The following IL1RAPL2 variants were observed in gnomAD, a reference collection of about 807,000 sequenced individuals.
The protein encoded by IL1RAPL2 is interleukin 1 receptor accessory protein like 2.
A neutral mutation model predicts 44.1 loss-of-function variants in IL1RAPL2; 3 were observed. The observed-to-expected ratio is 0.07, with a 90% CI of 0.03 to 0.18. IL1RAPL2 has a LOEUF of 0.18. Among genes scored for constraint, IL1RAPL2 ranks in the 10% least tolerant of loss-of-function variants. IL1RAPL2 has a pLI of 1.00. For synonymous variants in IL1RAPL2, 181 were observed against 178.8 expected (o/e 1.01, Z -0.10); for missense variants, 391 against 496.4 (o/e 0.79, Z 2.02).
In IL1RAPL2 at chrX:105,615,189, G is replaced by A. The variant is rs756629663; in HGVS notation, c.773-102178G>A. Among the ~76,000 whole-genome samples, 7 of 111,468 alleles carry A rather than the reference G, an allele frequency of 6.3e-5. No individual in the cohort carries two copies. In the South Asian group the frequency reaches 1.1e-3, roughly 18 times the overall value. Reference sequence around the variant, plus strand: ...AAAAGACAGCCAATAACAAATGCTGGCGAGGACACGGAGGAAAAGGAACTC... The same window carrying A: ...AAAAGACAGCCAATAACAAATGCTGACGAGGACACGGAGGAAAAGGAACTC... On this transcript the variant is annotated intron_variant, in intron 6 of 10. Coordinates refer to ENST00000372582, the MANE Select transcript of IL1RAPL2 (RefSeq NM_017416.2).
intron 2 of IL1RAPL2, among the ~76,000 whole-genome samples, chrX:104,794,334 T>C (rs771522283): frequency 8.0e-5 from 9 of 111,837 alleles, no homozygotes; most frequent in Non-Finnish European, 1.7e-4. Context: ...GAAGTAAACT[T>C]CTTGTGATGA....
At chrX:105,003,270 G>A (rs1356088936) in intron 2 of IL1RAPL2, among the ~76,000 whole-genome samples, 1 of 111,002 alleles carries the variant, frequency 9.0e-6, no homozygotes, top group East Asian at 2.9e-4. Context: ...ATCTGATGTG[G>A]CTTCTAAAAT....
intron 2 of IL1RAPL2, among the ~76,000 whole-genome samples, chrX:104,976,054 T>A (rs373013082): frequency 1.7e-4 from 19 of 111,677 alleles, no homozygotes; most frequent in African/African-American, 2.3e-4. Context: ...CTTTTTTTTT[T>A]ATACAGAATA....
Position 104,822,182 on chromosome X carries a change from C to A in IL1RAPL2, c.82+163187C>A, listed in dbSNP as rs777959926. ...CAGATGGATAGATTGTAAAAATTTT[C>A]TCCCATTCTGTAGGTTGCCTGTTCA... On this transcript the variant is annotated intron_variant, in intron 2 of 10. Coordinates refer to ENST00000372582, the MANE Select transcript of IL1RAPL2 (RefSeq NM_017416.2). Among the ~76,000 whole-genome samples the A allele has an allele frequency of 3.6e-5, 4 of 111,630 alleles. No homozygotes were observed. The South Asian group carries it at 1.5e-3, about 42-fold the overall frequency.
chrX:104,884,320 A>G (rs901731775), intron 2 of IL1RAPL2, among the ~76,000 whole-genome samples: 1 of 111,695 alleles, frequency 9.0e-6, no homozygotes, highest in Non-Finnish European at 1.9e-5. Flanking sequence ...AACTATTCCA[A>G]TCAGCAGGGT....
At chrX:105,601,696 TTGG>T (rs199907960) in intron 6 of IL1RAPL2, among the ~76,000 whole-genome samples, 366 of 110,967 alleles carry the variant, frequency 3.3e-3, no homozygotes, top group Admixed American at 6.2e-3. Context: ...TCTCAGCCCC[TTGG>T]GAGCTAGGCT....
chrX:105,600,569 AT>A lies in IL1RAPL2; in HGVS notation c.772+116187del, dbSNP rs200622147. On this transcript the variant is annotated intron_variant, in intron 6 of 10. Transcript: ENST00000372582. ...TTTAATGAAATAATTATAATTAATC[AT>A]TTTTATAAATAAATTTATAAAAACA... Among the ~76,000 whole-genome samples, 936 of 108,648 alleles carry A rather than the reference AT, an allele frequency of 8.6e-3. 11 individuals carry two copies. In the South Asian group the frequency reaches 0.086, roughly 10 times the overall value. The allele number at this position is 108,648 out of a possible 115,157, so 94.3% of individuals were successfully genotyped here. A position where few individuals can be genotyped will look rare whatever the true frequency, so the allele number is the denominator to read the frequency against.
chrX:104,842,024 T>C (rs1006592363), intron 2 of IL1RAPL2, among the ~76,000 whole-genome samples: 7 of 110,712 alleles, frequency 6.3e-5, no homozygotes, highest in African/African-American at 2.0e-4. Context: ...TTCAGGTACA[T>C]CTGTCAATCG....
At chrX:105,634,021 A>G (rs1469725009) in intron 6 of IL1RAPL2, among the ~76,000 whole-genome samples, 1 of 110,723 alleles carries the variant, frequency 9.0e-6, no homozygotes, top group African/African-American at 3.3e-5. Context: ...CCTTTCCTTC[A>G]TCTTCTAATG....
In IL1RAPL2 at chrX:105,029,908, A is replaced by C. The variant is rs190685678; in HGVS notation, c.83-165567A>C. On this transcript the variant is annotated intron_variant, in intron 2 of 10. Transcript: ENST00000372582. Reference sequence around the variant, plus strand: ...TCCTATTTCTCCACATCCTCTCCAGAACCTGTTGTTTCCTGACTTTTTAAT... The same window carrying C: ...TCCTATTTCTCCACATCCTCTCCAGCACCTGTTGTTTCCTGACTTTTTAAT... Among the ~76,000 whole-genome samples, 202 of 110,988 alleles carry C rather than the reference A, an allele frequency of 1.8e-3. 1 individual carries two copies. The highest frequency in any genetic ancestry group is 4.7e-3 in the Middle Eastern group (1 of 214).
chrX:105,056,708 T>C (rs1195829640), intron 2 of IL1RAPL2, among the ~76,000 whole-genome samples: 1 of 112,055 alleles, frequency 8.9e-6, no homozygotes, highest in African/African-American at 3.2e-5. Context: ...AAAGAGAAAT[T>C]AAACTTCTTT....
chrX:104,788,145 C>T (rs1401869819), intron 2 of IL1RAPL2, among the ~76,000 whole-genome samples: 1 of 112,129 alleles, frequency 8.9e-6, no homozygotes, highest in Non-Finnish European at 1.9e-5. Context: ...CAATTCAGGG[C>T]TATGTAGAAA....
At chrX:105,234,939 A>T (rs1556199974) in intron 4 of IL1RAPL2, among the ~76,000 whole-genome samples, 1 of 111,366 alleles carries the variant, frequency 9.0e-6, no homozygotes, top group African/African-American at 3.3e-5. Flanking sequence ...GGGAAGGAGC[A>T]GTGTCACTGG....
At chrX:105,185,366 A>G (rs1340418491) in intron 2 of IL1RAPL2, among the ~76,000 whole-genome samples, 2 of 112,227 alleles carry the variant, frequency 1.8e-5, no homozygotes. Flanking sequence ...AGAATTTTTA[A>G]TATTATTCAT....
intron 3 of IL1RAPL2, 151 bp downstream of exon 3, chrX:105,195,899 TTATC>T: frequency 1.9e-6 from 1 of 524,025 alleles, no homozygotes; most frequent in Non-Finnish European, 3.2e-6. Flanking sequence ...CCAGTTCTAA[TTATC>T]TATCAGAACT....
intron 5 of IL1RAPL2, among the ~76,000 whole-genome samples, chrX:105,454,590 G>A (rs752666292): frequency 9.0e-6 from 1 of 111,387 alleles, no homozygotes; most frequent in African/African-American, 3.3e-5. Flanking sequence ...TGTTCTCCAG[G>A]GCATGAGAAC....
At chrX:105,473,828 TA>T (rs898236048) in intron 5 of IL1RAPL2, among the ~76,000 whole-genome samples, 1 of 111,960 alleles carries the variant, frequency 8.9e-6, no homozygotes, top group Non-Finnish European at 1.9e-5. Context: ...ATGAGACCAG[TA>T]AAAAAGTTAT....
chrX:105,112,756 G>A (rs1019229487), intron 2 of IL1RAPL2, among the ~76,000 whole-genome samples: 1 of 112,903 alleles, frequency 8.9e-6, no homozygotes, highest in Admixed American at 9.3e-5. Context: ...ACACATGTGC[G>A]AATGCAGGCA....
intron 2 of IL1RAPL2, among the ~76,000 whole-genome samples, chrX:104,743,320 A>AT (rs201927008): frequency 0.038 from 3,768 of 100,194 alleles, 148 homozygotes; most frequent in African/African-American, 0.12. Flanking sequence ...GTTTCAAACT[A>AT]TTTTTTTTTT....
Sources: allele counts gnomAD v4.1 joint callset (sites outside exome capture counted in the v4.1 genomes callset), GRCh38; gene constraint gnomAD v4.1.1; transcripts MANE v1.5; gene names NCBI Gene and HGNC (gene_info 2026-07-23, HGNC 2026-07-21).